Variants in ADD2 observed in about 807,000 individuals in gnomAD.
The protein encoded by ADD2 is adducin 2.
Under a neutral mutation model 83.0 loss-of-function variants are expected in ADD2, and 23 were observed. The ratio of observed to expected loss-of-function variants is 0.28; its 90% confidence interval spans 0.20 to 0.39. The LOEUF is 0.39. Among genes scored for constraint, ADD2 ranks in the 10% least tolerant of loss-of-function variants. The pLI is 1.00. For synonymous variants in ADD2, 375 were observed against 375.4 expected (o/e 1.00, Z 0.01); for missense variants, 758 against 944.9 (o/e 0.80, Z 2.59).
At chr2:70,691,896 G>A (rs1553371718) in intron 7 of ADD2, 1 of 152,422 alleles carries the variant, frequency 6.6e-6, no homozygotes, top group Non-Finnish European at 1.5e-5. Context: ...GTCTTTCCAA[G>A]TGACATCGCA....
intron 1 of ADD2, among the ~76,000 whole-genome samples, chr2:70,743,129 G>A (rs1472493632): frequency 2.0e-5 from 3 of 152,208 alleles, no homozygotes; most frequent in Non-Finnish European, 2.9e-5. Flanking sequence ...TCTTATGATA[G>A]ACTGGTCAGC....
At chr2:70,711,346 T>G (rs1672165911) in intron 2 of ADD2, 1 of 152,108 alleles carries the variant, frequency 6.6e-6, no homozygotes, top group Non-Finnish European at 1.5e-5. Context: ...TGACCTATGA[T>G]AGGCCCTTGG....
At position 70,661,062 on chromosome 2, in the gene ADD2, A is replaced by G. The variant is rs529563347; in HGVS notation, c.*2363T>C. 6.6e-6 allele frequency: 1 copy of G among 152,336 alleles called. No individual in the cohort carries two copies. Among genetic ancestry groups the G allele is most frequent in the South Asian group, 2.1e-4 (1 of 4,828 alleles). The allele number at this position is 152,336 out of a possible 1,614,324, so 9.4% of individuals were successfully genotyped here. A position where few individuals can be genotyped will look rare whatever the true frequency, so the allele number is the denominator to read the frequency against. On this transcript the variant is annotated 3_prime_UTR_variant, in exon 16 of 16. Transcript: ENST00000264436. ...TATCAATAGAAAGTGGGCCCATGGC[A>G]TAAATTCCCAGAATAATGCTGCAGC...
intron 1 of ADD2, among the ~76,000 whole-genome samples, chr2:70,718,153 T>C (rs1574283692): frequency 2.0e-5 from 3 of 152,230 alleles, no homozygotes; most frequent in South Asian, 4.1e-4. Context: ...TAATAGTTGG[T>C]AGGCAACGTT....
chr2:70,694,343 G>T (rs1483561701), intron 6 of ADD2, among the ~76,000 whole-genome samples: 1 of 152,020 alleles, frequency 6.6e-6, no homozygotes, highest in African/African-American at 2.4e-5. Context: ...GTGTCGGTTG[G>T]CCTCTACACA....
At chr2:70,689,668 T>C (rs1670929368) in intron 8 of ADD2, among the ~76,000 whole-genome samples, 1 of 152,150 alleles carries the variant, frequency 6.6e-6, no homozygotes, top group Non-Finnish European at 1.5e-5. Context: ...CAGGGACTCA[T>C]GGGAAATGAT....
chr2:70,680,766 CATT>C (rs1454621566), intron 10 of ADD2, among the ~76,000 whole-genome samples: 2 of 152,058 alleles, frequency 1.3e-5, no homozygotes, highest in Non-Finnish European at 2.9e-5. Context: ...TATTTTCTCC[CATT>C]ATTATATTTT....
chr2:70,716,512 C>T (rs1672477405), intron 1 of ADD2, among the ~76,000 whole-genome samples: 1 of 152,180 alleles, frequency 6.6e-6, no homozygotes, highest in Non-Finnish European at 1.5e-5. Context: ...CTCTTCCATT[C>T]CACTTGCAGC....
intron 1 of ADD2, among the ~76,000 whole-genome samples, chr2:70,747,385 C>T (rs1674267396): frequency 6.6e-6 from 1 of 152,016 alleles, no homozygotes; most frequent in Non-Finnish European, 1.5e-5. Context: ...TAAGTGCTCT[C>T]CCATCATGCC....
At position 70,662,202 on chromosome 2, in the gene ADD2, TGAG is replaced by T. The variant is rs1407078100; in HGVS notation, c.*1220_*1222del. 2 of 152,196 alleles carry T rather than the reference TGAG, an allele frequency of 1.3e-5. No individual in the cohort carries two copies. Among genetic ancestry groups the T allele is most frequent in the Non-Finnish European group, 2.9e-5 (2 of 68,036 alleles). 9.4% of individuals were successfully genotyped at this position (152,196 alleles called of 1,614,324 possible). A position where few individuals can be genotyped will look rare whatever the true frequency, so the allele number is the denominator to read the frequency against. On this transcript the variant is annotated 3_prime_UTR_variant, in exon 16 of 16. Coordinates refer to ENST00000264436, the MANE Select transcript of ADD2 (RefSeq NM_001617.4). The stretch of plus-strand genomic sequence containing the variant: ...TTAATCAATGCCCCACGGAAGAACA[TGAG>T]AAGACAGTGTTGGCATTTAAAACAA...
intron 1 of ADD2, among the ~76,000 whole-genome samples, chr2:70,738,872 T>C (rs952440442): frequency 6.6e-6 from 1 of 152,006 alleles, no homozygotes; most frequent in Non-Finnish European, 1.5e-5. Flanking sequence ...CCTTACACCA[T>C]ATACAAAAAT....
chr2:70,694,940 A>G (rs1387424801), intron 6 of ADD2, among the ~76,000 whole-genome samples: 1 of 151,622 alleles, frequency 6.6e-6, no homozygotes, highest in East Asian at 2.0e-4. Flanking sequence ...TGACTTGGCC[A>G]TCATCTCCTT....
rs556635447 is a variant in ADD2, at chr2:70,678,878, C to T, written c.1209G>A (p.Thr403=). The change falls in exon 11 of 16, where the codon ACG becomes ACA. Residue 403 remains threonine (T), a synonymous_variant. Coordinates refer to ENST00000264436, the MANE Select transcript of ADD2 (RefSeq NM_001617.4). ...KHKSEVEIPA[T]VTAFVFEEDG... ...CCTCCTCAAACACGAAGGCTGTGACCGTGGCTGGAATCTCCACCTCACTTT... is the reference window on the plus strand; with the variant it reads ...CCTCCTCAAACACGAAGGCTGTGACTGTGGCTGGAATCTCCACCTCACTTT... 2.5e-5 allele frequency: 41 copies of T among 1,614,184 alleles called. No individual in the cohort carries two copies. The highest frequency in any genetic ancestry group is 1.1e-4 in the African/African-American group (8 of 75,040).
intron 1 of ADD2, among the ~76,000 whole-genome samples, chr2:70,723,982 T>G (rs1672857021): frequency 6.6e-6 from 1 of 152,210 alleles, no homozygotes; most frequent in Non-Finnish European, 1.5e-5. Flanking sequence ...ATATACTGGT[T>G]AGCAAACAAA....
intron 1 of ADD2, among the ~76,000 whole-genome samples, chr2:70,755,327 A>G (rs1558581904): frequency 6.6e-6 from 1 of 152,176 alleles, no homozygotes; most frequent in Non-Finnish European, 1.5e-5. Flanking sequence ...TTATCCTCTG[A>G]TCCGTCTCAC....
At chr2:70,766,633 T>C (rs930881770) in intron 1 of ADD2, among the ~76,000 whole-genome samples, 1 of 152,180 alleles carries the variant, frequency 6.6e-6, no homozygotes, top group Non-Finnish European at 1.5e-5. Context: ...AAGTTAAACA[T>C]CTCAGGAATC....
intron 1 of ADD2, chr2:70,767,553 G>T: frequency 1.0e-6 from 1 of 986,108 alleles, no homozygotes; most frequent in Non-Finnish European, 1.3e-6. Context: ...CGCCCGGCTA[G>T]GCGAGGCGAG....
rs75888392 is a variant in ADD2, at chr2:70,712,900, T to G, written c.-35+166A>C. Among the ~76,000 whole-genome samples the G allele has an allele frequency of 4.6e-3, 693 of 152,292 alleles. 5 individuals are homozygous for G. Among genetic ancestry groups the G allele is most frequent in the African/African-American group, 0.016 (649 of 41,554 alleles). On this transcript the variant is annotated intron_variant, in intron 2 of 15. Transcript: ENST00000264436. The stretch of plus-strand genomic sequence containing the variant: ...CTAGTGACTTCTAAGGTCCTTCAGA[T>G]TCTATGGTAGGTCTTGAGTCAGCAG...
intron 1 of ADD2, among the ~76,000 whole-genome samples, chr2:70,715,893 C>T (rs897618346): frequency 9.9e-5 from 15 of 152,096 alleles, no homozygotes; most frequent in Non-Finnish European, 2.1e-4. Flanking sequence ...CCACCCGCAG[C>T]GCCAGGCCCT....
Sources: allele counts gnomAD v4.1 joint callset (sites outside exome capture counted in the v4.1 genomes callset), GRCh38; gene constraint gnomAD v4.1.1; transcripts MANE v1.5; gene names NCBI Gene and HGNC (gene_info 2026-07-23, HGNC 2026-07-21).